The following ADAM10 variants were observed in gnomAD, a reference collection of about 807,000 sequenced individuals.
The protein encoded by ADAM10 is ADAM metallopeptidase domain 10.
Under a neutral mutation model 90.1 loss-of-function variants are expected in ADAM10, and 17 were observed. That is an observed-to-expected ratio of 0.19 (90% CI 0.13 to 0.28). The LOEUF (loss-of-function observed/expected upper bound fraction) is 0.28. Ranked by LOEUF, ADAM10 falls within the 10% of genes least tolerant of loss-of-function variation. The probability of loss-of-function intolerance (pLI) is 1.00; values close to 1 mark genes in which losing one functional copy is unlikely to be tolerated. For missense variants in ADAM10, 610 were observed against 914.3 expected (o/e 0.67, Z 4.29); for synonymous variants, 310 against 298.6 (o/e 1.04, Z -0.40).
In ADAM10 at chr15:58,744,662, T is replaced by A. The variant is rs990719704; in HGVS notation, c.55+4818A>T. The stretch of plus-strand genomic sequence containing the variant: ...TTAAATTCAGTCCATTTTAAGGAGA[T>A]AGTAAATGTGTCTACAGTAAATTTT... On this transcript the variant is annotated intron_variant, in intron 1 of 15. Transcript: ENST00000260408. 5.3e-5 allele frequency among the ~76,000 whole-genome samples: 8 copies of A among 152,224 alleles called. No individual in the cohort carries two copies. The South Asian group carries it at 1.7e-3, about 32-fold the overall frequency.
At position 58,594,164 on chromosome 15, in the gene ADAM10, G is replaced by A. The variant is rs1178402004; in HGVS notation, c.*3383C>T. 2.0e-5 allele frequency: 3 copies of A among 152,112 alleles called. No homozygotes were observed. The highest frequency in any genetic ancestry group is 7.2e-5 in the African/African-American group (3 of 41,406). 9.4% of individuals were successfully genotyped at this position (152,112 alleles called of 1,614,324 possible). A position where few individuals can be genotyped will look rare whatever the true frequency, so the allele number is the denominator to read the frequency against. On this transcript the variant is annotated 3_prime_UTR_variant, in exon 16 of 16. Coordinates refer to ENST00000260408, the MANE Select transcript of ADAM10 (RefSeq NM_001110.4). ...TGGCAGCTGCTTTAAAACTACATCT[G>A]GCTTGCACCCTGGTTTTGGGAAACC...
intron 5 of ADAM10, among the ~76,000 whole-genome samples, chr15:58,659,852 C>A (rs2140721056): frequency 6.6e-6 from 1 of 152,284 alleles, no homozygotes; most frequent in South Asian, 2.1e-4. Context: ...CCTCAGCCTC[C>A]CCAGTAGCTG....
At chr15:58,649,494 A>C (rs1046295776) in intron 5 of ADAM10, among the ~76,000 whole-genome samples, 3 of 152,200 alleles carry the variant, frequency 2.0e-5, no homozygotes, top group Non-Finnish European at 4.4e-5. Flanking sequence ...ACAGGAAAAA[A>C]ACTACTTTTA....
intron 1 of ADAM10, among the ~76,000 whole-genome samples, chr15:58,723,469 G>A (rs188373619): frequency 5.3e-5 from 8 of 152,224 alleles, no homozygotes; most frequent in Admixed American, 3.9e-4. Context: ...TAGATCACCT[G>A]AGGTCAGGAG....
intron 10 of ADAM10, among the ~76,000 whole-genome samples, chr15:58,622,332 A>G (rs1272390837): frequency 6.6e-6 from 1 of 152,164 alleles, no homozygotes; most frequent in African/African-American, 2.4e-5. Flanking sequence ...GTCTCTTTAC[A>G]ATTTGTTGCT....
At chr15:58,744,194 C>A (rs544389316) in intron 1 of ADAM10, among the ~76,000 whole-genome samples, 3 of 146,986 alleles carry the variant, frequency 2.0e-5, no homozygotes, top group Admixed American at 1.4e-4. Context: ...ACGATCCAGG[C>A]AACCTCAATG....
At chr15:58,602,004 G>A (rs1484377001) in intron 14 of ADAM10, among the ~76,000 whole-genome samples, 1 of 152,100 alleles carries the variant, frequency 6.6e-6, no homozygotes, top group Non-Finnish European at 1.5e-5. Context: ...GGTGTTATCT[G>A]CCAAATTTTA....
chr15:58,600,332 T>C (rs1895074536), intron 14 of ADAM10, among the ~76,000 whole-genome samples: 1 of 152,228 alleles, frequency 6.6e-6, no homozygotes, highest in Non-Finnish European at 1.5e-5. Context: ...GTGAATAGAT[T>C]TAAAAATTAC....
At chr15:58,720,406 T>A (rs1199779124) in intron 1 of ADAM10, among the ~76,000 whole-genome samples, 5 of 13,156 alleles carry the variant, frequency 3.8e-4, no homozygotes, top group Non-Finnish European at 9.1e-4. Context: ...TTTATTTTAT[T>A]TTTTTTTTTT....
At chr15:58,641,777 A>C (rs1427977979) in intron 7 of ADAM10, among the ~76,000 whole-genome samples, 2 of 152,190 alleles carry the variant, frequency 1.3e-5, no homozygotes, top group African/African-American at 4.8e-5. Context: ...TAAGCCAAGG[A>C]ATTACAATAT....
In ADAM10 at chr15:58,627,680, C is replaced by T. The variant is rs1274241778; in HGVS notation, c.1360+20G>A. ...ATGTTTGAAAATGTTCATAACAAAA[C>T]GTTAGGAAAATATACATACCAACAA... On this transcript the variant is annotated intron_variant, in intron 10 of 15. Transcript: ENST00000260408. 3.1e-6 allele frequency: 5 copies of T among 1,603,968 alleles called. No homozygotes were observed. The highest frequency in any genetic ancestry group is 1.7e-5 in the Admixed American group (1 of 59,958).
At chr15:58,602,787 A>C (rs1331687879) in intron 14 of ADAM10, among the ~76,000 whole-genome samples, 4 of 152,110 alleles carry the variant, frequency 2.6e-5, no homozygotes, top group African/African-American at 9.7e-5. Context: ...TTTATTGTTC[A>C]ATCTGTAAAA....
chr15:58,672,532 A>G (rs1897218049), intron 4 of ADAM10: 1 of 152,238 alleles, frequency 6.6e-6, no homozygotes, highest in Admixed American at 6.5e-5. Flanking sequence ...CATCCCTCCT[A>G]AAGAAGAAAC....
At chr15:58,688,765 AT>A (rs1233073944) in intron 2 of ADAM10, among the ~76,000 whole-genome samples, 1 of 97,506 alleles carries the variant, frequency 1.0e-5, no homozygotes, top group African/African-American at 6.2e-5. Flanking sequence ...GAAAAAAAAA[AT>A]TATATATATA....
intron 1 of ADAM10, among the ~76,000 whole-genome samples, chr15:58,741,336 AAGT>A (rs1352370886): frequency 6.6e-6 from 1 of 152,228 alleles, no homozygotes; most frequent in East Asian, 1.9e-4. Context: ...TAAGAAAAAA[AAGT>A]GTTAGTATAT....
chr15:58,729,420 C>T (rs1394564108), intron 1 of ADAM10, among the ~76,000 whole-genome samples: 1 of 152,062 alleles, frequency 6.6e-6, no homozygotes, highest in Admixed American at 6.5e-5. Context: ...TAGGTATCTC[C>T]GGGGAAAGTG....
chr15:58,624,271 C>T (rs1228719676), intron 10 of ADAM10, among the ~76,000 whole-genome samples: 7 of 151,094 alleles, frequency 4.6e-5, no homozygotes, highest in African/African-American at 1.2e-4. Flanking sequence ...GGTGACAGAG[C>T]GAGACTCTGT....
At chr15:58,599,090 A>C (rs555894725) in intron 15 of ADAM10, among the ~76,000 whole-genome samples, 2 of 147,598 alleles carry the variant, frequency 1.4e-5, no homozygotes, top group African/African-American at 2.5e-5. Flanking sequence ...TTAGGAGGCT[A>C]AAGTGGGGAG....
chr15:58,670,597 A>T (rs747723384), intron 4 of ADAM10, among the ~76,000 whole-genome samples: 3 of 152,264 alleles, frequency 2.0e-5, no homozygotes, highest in South Asian at 2.1e-4. Context: ...ATTGACACAG[A>T]AAGAGATCTA....
Sources: allele counts gnomAD v4.1 joint callset (sites outside exome capture counted in the v4.1 genomes callset), GRCh38; gene constraint gnomAD v4.1.1; transcripts MANE v1.5; gene names NCBI Gene and HGNC (gene_info 2026-07-23, HGNC 2026-07-21).